Variants in SMYD3 observed in about 807,000 individuals in gnomAD.
The protein encoded by SMYD3 is SET and MYND domain containing 3.
A neutral mutation model predicts 57.7 loss-of-function variants in SMYD3; 36 were observed. The ratio of observed to expected loss-of-function variants is 0.62; its 90% CI spans 0.48 to 0.82. SMYD3 has a LOEUF of 0.82. Ranked by LOEUF, SMYD3 falls within the 40% of genes least tolerant of loss-of-function variation. The pLI is 0.00. For missense variants in SMYD3, 515 were observed against 538.8 expected, an observed-to-expected ratio of 0.96 and a Z score of 0.44; for synonymous variants, 211 against 195.0, an observed-to-expected ratio of 1.08 and a Z score of -0.68.
At chr1:246,286,715 A>G (rs554509582) in intron 5 of SMYD3, among the ~76,000 whole-genome samples, 1 of 152,332 alleles carries the variant, frequency 6.6e-6, no homozygotes, top group Admixed American at 6.5e-5. Context: ...TTTATTAACT[A>G]AAGAGTACGT....
intron 10 of SMYD3, among the ~76,000 whole-genome samples, chr1:245,791,051 G>A (rs980856567): frequency 3.9e-5 from 6 of 152,108 alleles, no homozygotes; most frequent in Non-Finnish European, 7.4e-5. Flanking sequence ...GAGAAAGGAG[G>A]AGGCCATGGT....
chr1:246,195,398 G>T (rs961299178), intron 5 of SMYD3, among the ~76,000 whole-genome samples: 1 of 152,190 alleles, frequency 6.6e-6, no homozygotes, highest in East Asian at 1.9e-4. Flanking sequence ...CATGTGGTAC[G>T]GGGCCTCTGT....
chr1:246,213,904 T>C lies in SMYD3; in HGVS notation c.531+113297A>G, dbSNP rs559931382. 2.8e-4 allele frequency among the ~76,000 whole-genome samples: 43 copies of C among 152,312 alleles called. 1 individual carries two copies. The highest frequency in any genetic ancestry group is 9.9e-4 in the African/African-American group (41 of 41,550). On this transcript the variant is annotated intron_variant, in intron 5 of 11. Coordinates refer to ENST00000490107, the MANE Select transcript of SMYD3 (RefSeq NM_001167740.2). ...CCTTTCTGAAGCACCTTGAATTTCC[T>C]AGTTTATAATCTCTGTGAACTCCTG...
chr1:246,219,231 T>C (rs970460116), intron 5 of SMYD3, among the ~76,000 whole-genome samples: 1 of 151,968 alleles, frequency 6.6e-6, no homozygotes, highest in Non-Finnish European at 1.5e-5. Context: ...CCTGTGGCCC[T>C]ATCCCACCCC....
At chr1:246,449,824 G>C (rs2067604401) in intron 1 of SMYD3, among the ~76,000 whole-genome samples, 1 of 152,172 alleles carries the variant, frequency 6.6e-6, no homozygotes, top group African/African-American at 2.4e-5. Flanking sequence ...CTGTGAGTAT[G>C]AACCTGCTGA....
chr1:245,761,200 G>A (rs2045828896), intron 11 of SMYD3, among the ~76,000 whole-genome samples: 1 of 152,144 alleles, frequency 6.6e-6, no homozygotes, highest in African/African-American at 2.4e-5. Flanking sequence ...ATCTGATGCT[G>A]CTCCCAGAAT....
rs548078171 is a variant in SMYD3, at chr1:245,784,134, C to G, written c.1077-19985G>C. On this transcript the variant is annotated intron_variant, in intron 10 of 11. Transcript: ENST00000490107. ...TGATGTGATCTGATTTCAAATGTTT[C>G]TAGAGAAGTACACTACTGAAGACCA... Among the ~76,000 whole-genome samples the G allele has an allele frequency of 3.9e-5, 6 of 152,324 alleles. No individual in the cohort carries two copies. The South Asian group carries it at 1.2e-3, about 32-fold the overall frequency.
chr1:246,328,004 G>A (rs1345842897), intron 4 of SMYD3, among the ~76,000 whole-genome samples: 2 of 152,138 alleles, frequency 1.3e-5, no homozygotes. Flanking sequence ...GAGCAGCCTG[G>A]CCAACATGGT....
At chr1:245,866,363 CTT>C (rs57157717) in intron 8 of SMYD3, among the ~76,000 whole-genome samples, 34 of 148,906 alleles carry the variant, frequency 2.3e-4, no homozygotes, top group African/African-American at 5.7e-4. Flanking sequence ...CATAGGTGCA[CTT>C]TTTTTTTTTA....
intron 5 of SMYD3, among the ~76,000 whole-genome samples, chr1:245,955,035 C>T (rs539578681): frequency 3.3e-5 from 5 of 152,196 alleles, no homozygotes; most frequent in African/African-American, 9.6e-5. Flanking sequence ...GCACCCAACA[C>T]GTATTTCAGT....
chr1:246,129,546 C>T (rs2061557517), intron 5 of SMYD3, among the ~76,000 whole-genome samples: 2 of 152,156 alleles, frequency 1.3e-5, no homozygotes, highest in Admixed American at 1.3e-4. Flanking sequence ...CCTTTGACTC[C>T]TGGCATCTTC....
At chr1:246,118,410 C>T (rs1394029233) in intron 5 of SMYD3, among the ~76,000 whole-genome samples, 1 of 152,160 alleles carries the variant, frequency 6.6e-6, no homozygotes, top group Non-Finnish European at 1.5e-5. Flanking sequence ...TTAGAGACAC[C>T]CTAGAAGCCT....
At chr1:246,239,691 G>T (rs1456547494) in intron 5 of SMYD3, among the ~76,000 whole-genome samples, 1 of 152,154 alleles carries the variant, frequency 6.6e-6, no homozygotes. Context: ...GGTTGAACTA[G>T]TTTACAGTCC....
chr1:246,064,174 G>A (rs557219221), intron 5 of SMYD3, among the ~76,000 whole-genome samples: 3 of 152,138 alleles, frequency 2.0e-5, no homozygotes, highest in South Asian at 4.1e-4. Flanking sequence ...CATCACTGCC[G>A]GAACTCCTAC....
intron 10 of SMYD3, among the ~76,000 whole-genome samples, chr1:245,787,769 T>C (rs2047105021): frequency 6.6e-6 from 1 of 152,184 alleles, no homozygotes; most frequent in Non-Finnish European, 1.5e-5. Flanking sequence ...ACAACACAAC[T>C]ACGTGCTGCA....
intron 2 of SMYD3, among the ~76,000 whole-genome samples, chr1:246,341,191 G>C (rs2065628842): frequency 6.6e-6 from 1 of 152,154 alleles, no homozygotes; most frequent in South Asian, 2.1e-4. Flanking sequence ...GAATCAGGGA[G>C]AAGTACTTTT....
chr1:246,449,165 G>A (rs55686323), intron 1 of SMYD3, among the ~76,000 whole-genome samples: 5,009 of 152,166 alleles, frequency 0.033, 230 homozygotes, highest in African/African-American at 0.11. Flanking sequence ...CTGGGAGGTC[G>A]AGACTGCAAT....
chr1:245,922,180 A>G (rs1302054100), intron 7 of SMYD3, among the ~76,000 whole-genome samples: 1 of 152,198 alleles, frequency 6.6e-6, no homozygotes, highest in Non-Finnish European at 1.5e-5. Context: ...AACCCCGTTA[A>G]AAGTAATTTT....
At chr1:246,140,876 T>C (rs2061743049) in intron 5 of SMYD3, among the ~76,000 whole-genome samples, 1 of 152,190 alleles carries the variant, frequency 6.6e-6, no homozygotes, top group Admixed American at 6.5e-5. Context: ...ATCACAGAAC[T>C]GAGCCACCAA....
Sources: gnomAD v4.1 joint callset for allele counts (sites outside exome capture counted in the v4.1 genomes callset) on GRCh38, gnomAD v4.1.1 for gene constraint, MANE v1.5 for transcripts, NCBI Gene and HGNC (gene_info 2026-07-23, HGNC 2026-07-21) for gene names.